The following NCKAP5 variants were observed in gnomAD, a reference collection of about 807,000 sequenced individuals.
NCKAP5 encodes nck-associated protein 5.
In NCKAP5, 92 loss-of-function variants were observed where a neutral mutation model predicts 167.0. That is an observed-to-expected ratio of 0.55 (90% CI 0.47 to 0.66). The LOEUF is 0.66. Ranked by LOEUF, NCKAP5 falls within the 30% of genes least tolerant of loss-of-function variation. The pLI is 0.00. For missense variants in NCKAP5, 2,378 were observed against 2,315.0 expected, an observed-to-expected ratio of 1.03 and a Z score of -0.56; for synonymous variants, 891 against 877.4, an observed-to-expected ratio of 1.02 and a Z score of -0.27.
At chr2:132,974,695 T>C (rs1036724692) in intron 7 of NCKAP5, among the ~76,000 whole-genome samples, 1 of 152,224 alleles carries the variant, frequency 6.6e-6, no homozygotes, top group African/African-American at 2.4e-5. Context: ...CTGTGATCTT[T>C]AGCCAAGCGT....
In NCKAP5 at chr2:132,782,414, G is replaced by C. The variant is rs769984954; in HGVS notation, c.4397C>G (p.Ala1466Gly). 13 of 1,614,038 alleles carry C rather than the reference G, an allele frequency of 8.1e-6. No individual in the cohort carries two copies. The South Asian group carries it at 1.4e-4, about 18-fold the overall frequency. ...ATATDAVSSE[A>G]PLSPTIEEKV... Reference sequence around the variant, plus strand: ...TTCTTCGATTGTGGGTGAGAGGGGGGCTTCTGAACTCACAGCATCAGTCGC... The same window carrying C: ...TTCTTCGATTGTGGGTGAGAGGGGGCCTTCTGAACTCACAGCATCAGTCGC... Residue 1466 changes from alanine to glycine, a missense_variant, in exon 14 of 20, where the codon GCC becomes GGC. By Grantham distance (60) the Ala-to-Gly change is moderately conservative. This residue lies in a region of NCKAP5 where 1,325 missense variants were observed against 1,274.5 expected (regional missense o/e 1.04). Transcript: ENST00000409261.
chr2:132,973,160 A>T (rs1046965597), intron 7 of NCKAP5, among the ~76,000 whole-genome samples: 2 of 152,098 alleles, frequency 1.3e-5, no homozygotes, highest in African/African-American at 4.8e-5. Context: ...CTGGGGAGTG[A>T]CTCTAGGTCT....
the NCKAP5 span, among the ~76,000 whole-genome samples, chr2:133,605,307 AATCC>A: frequency 7.9e-5 from 12 of 152,092 alleles, no homozygotes; most frequent in Admixed American, 5.9e-4. Flanking sequence ...TAAGTGTGAA[AATCC>A]TTGATCCTTG....
At chr2:133,080,895 T>C (rs1381724076) in intron 6 of NCKAP5, among the ~76,000 whole-genome samples, 2 of 152,110 alleles carry the variant, frequency 1.3e-5, no homozygotes, top group Non-Finnish European at 2.9e-5. Context: ...AAGATGTCAC[T>C]GAGACACAGA....
the NCKAP5 span, among the ~76,000 whole-genome samples, chr2:133,634,659 T>C: frequency 2.0e-5 from 3 of 152,194 alleles, no homozygotes; most frequent in African/African-American, 7.2e-5. Context: ...AAGATGATTA[T>C]GCATGATAAG....
At chr2:133,421,095 T>C (rs1233346756) in intron 3 of NCKAP5, among the ~76,000 whole-genome samples, 1 of 152,090 alleles carries the variant, frequency 6.6e-6, no homozygotes, top group Admixed American at 6.6e-5. Flanking sequence ...GTGACATGAG[T>C]GCTTTTCTAA....
intron 6 of NCKAP5, among the ~76,000 whole-genome samples, chr2:133,092,025 A>G (rs1191984688): frequency 6.6e-6 from 1 of 152,200 alleles, no homozygotes; most frequent in East Asian, 1.9e-4. Flanking sequence ...CAATGGTCTC[A>G]TCACCCCAAC....
At chr2:132,721,788 C>T (rs1689954411) in intron 19 of NCKAP5, among the ~76,000 whole-genome samples, 2 of 152,212 alleles carry the variant, frequency 1.3e-5, no homozygotes, top group Admixed American at 1.3e-4. Flanking sequence ...TGACCTGTGG[C>T]TGTCAGGGTG....
the NCKAP5 span, among the ~76,000 whole-genome samples, chr2:133,668,641 C>G: frequency 6.6e-6 from 1 of 150,412 alleles, no homozygotes; most frequent in South Asian, 2.1e-4. Context: ...GTTTACTTGT[C>G]TTTTTATAGT....
In NCKAP5 at chr2:133,322,364, G is replaced by A. The variant is rs1682118313; in HGVS notation, c.70-19254C>T. On this transcript the variant is annotated intron_variant, in intron 3 of 19. Transcript: ENST00000409261. ...GTATCATCTGTGATTGAGATCCAGA[G>A]GCAGGTAGAAATGAAAGCTTAGAGA... 2.0e-5 allele frequency among the ~76,000 whole-genome samples: 3 copies of A among 152,208 alleles called. No individual in the cohort carries two copies. In the South Asian group the frequency reaches 6.2e-4, roughly 31 times the overall value.
In NCKAP5 at chr2:132,920,713, ATATATG is replaced by A. The variant is rs1330090481; in HGVS notation, c.580-41803_580-41798del. ...TATATATATATATACGTATATGTAT[ATATATG>A]TATATATATATATGTATATATATGT... On this transcript the variant is annotated intron_variant, in intron 8 of 19. Coordinates refer to ENST00000409261, the MANE Select transcript of NCKAP5 (RefSeq NM_207363.3). 1.4e-4 allele frequency among the ~76,000 whole-genome samples: 14 copies of A among 97,538 alleles called. 3 individuals are homozygous for A. Among genetic ancestry groups the A allele is most frequent in the African/African-American group, 3.4e-4 (7 of 20,386 alleles). The allele number at this position is 97,538 out of a possible 152,430, so 64.0% of individuals were successfully genotyped here. A position where few individuals can be genotyped will look rare whatever the true frequency, so the allele number is the denominator to read the frequency against.
At chr2:133,651,791 T>A in the NCKAP5 span, among the ~76,000 whole-genome samples, 1 of 152,318 alleles carries the variant, frequency 6.6e-6, no homozygotes, top group South Asian at 2.1e-4. Context: ...AGAAAACATG[T>A]ATACGCATTC....
intron 3 of NCKAP5, among the ~76,000 whole-genome samples, chr2:133,349,979 T>C (rs533869647): frequency 1.4e-4 from 21 of 152,370 alleles, no homozygotes; most frequent in African/African-American, 4.8e-4. Flanking sequence ...GATTTCCGTG[T>C]ACCTTTCACA....
chr2:133,542,238 C>T (rs1686285500), intron 2 of NCKAP5, among the ~76,000 whole-genome samples: 9 of 152,186 alleles, frequency 5.9e-5, no homozygotes. Context: ...GGAATGCATA[C>T]TCCATAATTC....
chr2:133,021,373 A>G (rs1392739080), intron 6 of NCKAP5, among the ~76,000 whole-genome samples: 1 of 152,096 alleles, frequency 6.6e-6, no homozygotes, highest in African/African-American at 2.4e-5. Flanking sequence ...TAGCAGGGGG[A>G]GTGGAATGGG....
intron 11 of NCKAP5, among the ~76,000 whole-genome samples, chr2:132,828,728 G>A (rs140872628): frequency 1.3e-5 from 2 of 152,316 alleles, no homozygotes; most frequent in East Asian, 1.9e-4. Context: ...ACTTCAGAGT[G>A]CGTGTGCTTG....
intron 3 of NCKAP5, among the ~76,000 whole-genome samples, chr2:133,430,318 T>C (rs1280432741): frequency 6.6e-6 from 1 of 152,190 alleles, no homozygotes; most frequent in Non-Finnish European, 1.5e-5. Context: ...TCCCAATGTG[T>C]AGTTTGTCTG....
intron 5 of NCKAP5, among the ~76,000 whole-genome samples, chr2:133,158,522 C>A (rs2083663836): frequency 6.6e-6 from 1 of 152,076 alleles, no homozygotes; most frequent in Non-Finnish European, 1.5e-5. Flanking sequence ...TTGTGTTGGA[C>A]ACATAAATAA....
chr2:132,989,940 G>A (rs143262400), intron 7 of NCKAP5, among the ~76,000 whole-genome samples: 82 of 152,232 alleles, frequency 5.4e-4, no homozygotes, highest in South Asian at 3.5e-3. Flanking sequence ...TAAGATCCAC[G>A]TTGTGTAAGT....
Sources: allele counts gnomAD v4.1 joint callset (sites outside exome capture counted in the v4.1 genomes callset), GRCh38; gene constraint gnomAD v4.1.1; regional missense constraint gnomAD v4.1.1; transcripts MANE v1.5; gene names NCBI Gene and HGNC (gene_info 2026-07-23, HGNC 2026-07-21).